Variants in CCDC7 observed in about 807,000 individuals in gnomAD.
CCDC7 encodes coiled-coil domain-containing protein 7.
In CCDC7, 183 loss-of-function variants were observed where a neutral mutation model predicts 196.9. The observed-to-expected ratio is 0.93, with a 90% confidence interval of 0.82 to 1.05. CCDC7 has a LOEUF of 1.05. CCDC7 is among the 50% of genes least tolerant of loss of function. The pLI is 0.00. For missense variants in CCDC7, 1,540 were observed against 1,482.2 expected (o/e 1.04, Z -0.64); for synonymous variants, 525 against 484.6 (o/e 1.08, Z -1.10).
intron 8 of CCDC7, among the ~76,000 whole-genome samples, chr10:32,483,346 GT>G: frequency 6.6e-6 from 1 of 152,084 alleles, no homozygotes; most frequent in African/African-American, 2.4e-5. Context: ...TGATGGGGTT[GT>G]TTTTTTCTTC....
intron 21 of CCDC7, among the ~76,000 whole-genome samples, chr10:32,680,504 A>G (rs2075708600): frequency 6.6e-6 from 1 of 152,032 alleles, no homozygotes; most frequent in African/African-American, 2.4e-5. Context: ...ATAGCTGTAC[A>G]TGTGCCATGT....
intron 25 of CCDC7, among the ~76,000 whole-genome samples, chr10:32,722,961 A>T (rs1476272009): frequency 6.6e-6 from 1 of 152,076 alleles, no homozygotes; most frequent in Admixed American, 6.6e-5. Flanking sequence ...AGTCTTGTTT[A>T]GTTTTGAAAG....
intron 5 of CCDC7, 53 bp downstream of exon 6, chr10:32,463,102 A>G: frequency 1.2e-6 from 2 of 1,600,416 alleles, no homozygotes; most frequent in Non-Finnish European, 1.7e-6. Flanking sequence ...CTCATTTGAA[A>G]AGCAATTTGG....
In CCDC7 at chr10:32,634,491, G is replaced by T. The variant is rs577524479; in HGVS notation, c.1912+127G>T. ...GGCTCACTGCAACCTCCATCTTCCG[G>T]GTTGAAGCGATTCTCCTGCCCCAGA... On this transcript the variant is annotated intron_variant, in intron 19 of 41. Transcript: ENST00000639629. The T allele has an allele frequency of 1.1e-3, 372 of 336,628 alleles. 4 individuals are homozygous for T. Among genetic ancestry groups the T allele is most frequent in the Non-Finnish European group, 1.8e-3 (338 of 192,724 alleles). 20.9% of individuals were successfully genotyped at this position (336,628 alleles called of 1,614,324 possible).
chr10:32,852,114 C>A (rs752136704), intron 40 of CCDC7, among the ~76,000 whole-genome samples, 182 bp downstream of exon 41: 49 of 152,204 alleles, frequency 3.2e-4, no homozygotes, highest in Non-Finnish European at 5.3e-4. Context: ...TTGTCCCTGG[C>A]ATTTCTCTTC....
chr10:32,761,961 G>C (rs1565430458), intron 28 of CCDC7, among the ~76,000 whole-genome samples: 1 of 152,004 alleles, frequency 6.6e-6, no homozygotes, highest in East Asian at 1.9e-4. Flanking sequence ...ATTTCCACAT[G>C]GATCAATTCT....
intron 26 of CCDC7, among the ~76,000 whole-genome samples, chr10:32,727,164 G>A (rs559869822): frequency 3.4e-4 from 51 of 152,196 alleles, no homozygotes; most frequent in Non-Finnish European, 5.1e-4. Flanking sequence ...CACTTACCAC[G>A]TGTAGCGATG....
chr10:32,859,140 T>C (rs1031354638), intron 41 of CCDC7, among the ~76,000 whole-genome samples: 3 of 152,088 alleles, frequency 2.0e-5, no homozygotes, highest in Non-Finnish European at 4.4e-5. Context: ...ACAATGCACT[T>C]ATTCTAAAAC....
Position 32,848,585 on chromosome 10 carries a change from T to A in CCDC7, c.3773-11T>A, listed in dbSNP as rs748984251. On this transcript the variant is annotated splice_polypyrimidine_tract_variant and intron_variant, in intron 38 of 41. Transcript: ENST00000639629. ...TATTCATGCACTTTTTCTTTTAAAA[T>A]TTTATTTTAGATGTGAACTTATTTA... 2.8e-6 allele frequency: 4 copies of A among 1,450,204 alleles called. No individual in the cohort carries two copies. The East Asian group carries it at 9.1e-5, about 33-fold the overall frequency. The allele number at this position is 1,450,204 out of a possible 1,614,324, so 89.8% of individuals were successfully genotyped here. A position where few individuals can be genotyped will look rare whatever the true frequency, so the allele number is the denominator to read the frequency against.
intron 8 of CCDC7, among the ~76,000 whole-genome samples, chr10:32,481,371 C>G (rs2039933812): frequency 1.3e-5 from 2 of 151,968 alleles, no homozygotes; most frequent in African/African-American, 4.8e-5. Flanking sequence ...TTTTGTAGAT[C>G]CTTTGTTCTT....
At chr10:32,737,996 A>G (rs912880202) in intron 28 of CCDC7, among the ~76,000 whole-genome samples, 4 of 152,186 alleles carry the variant, frequency 2.6e-5, no homozygotes, top group Non-Finnish European at 5.9e-5. Flanking sequence ...TTGAATTGAT[A>G]TATTTAGACC....
intron 16 of CCDC7, among the ~76,000 whole-genome samples, chr10:32,576,275 A>G (rs1366325950): frequency 6.7e-6 from 1 of 148,758 alleles, no homozygotes; most frequent in Non-Finnish European, 1.5e-5. Flanking sequence ...GTGTGTTCCC[A>G]TGCACTGAGG....
At chr10:32,863,762 G>A (rs2094099333) in intron 41 of CCDC7, among the ~76,000 whole-genome samples, 1 of 151,880 alleles carries the variant, frequency 6.6e-6, no homozygotes, top group African/African-American at 2.4e-5. Flanking sequence ...AAATGGATAG[G>A]AGACCTACAT....
chr10:32,574,605 T>A, intron 16 of CCDC7: 1 of 656,084 alleles, frequency 1.5e-6, no homozygotes, highest in Non-Finnish European at 2.1e-6. Context: ...GAGTTAGTGG[T>A]AAATAGTTAA....
At chr10:32,756,931 G>A (rs1030774884) in intron 28 of CCDC7, among the ~76,000 whole-genome samples, 23 of 151,964 alleles carry the variant, frequency 1.5e-4, no homozygotes, top group Non-Finnish European at 2.8e-4. Flanking sequence ...GGAAAACAAA[G>A]AAAAAGCAGG....
chr10:32,681,125 T>G (rs1462708759), intron 21 of CCDC7, among the ~76,000 whole-genome samples: 1 of 152,208 alleles, frequency 6.6e-6, no homozygotes, highest in Admixed American at 6.5e-5. Flanking sequence ...TTTCCAGGAA[T>G]TAGTCCTCAG....
At chr10:32,515,789 C>T (rs1210112988) in intron 9 of CCDC7, among the ~76,000 whole-genome samples, 2 of 151,962 alleles carry the variant, frequency 1.3e-5, no homozygotes, top group Admixed American at 6.5e-5. Context: ...ATCCGCCCAC[C>T]TCGCCTCCCA....
chr10:32,701,330 C>T lies in CCDC7; in HGVS notation c.2458+6338C>T, dbSNP rs58278922. On this transcript the variant is annotated intron_variant, in intron 24 of 41. Coordinates refer to ENST00000639629, the Ensembl canonical transcript of CCDC7. ...TGAGATAATCATGTGGTTTGATTTG[C>T]GTATGTTGAACCAGCCTTGCATCCC... Among the ~76,000 whole-genome samples the T allele has an allele frequency of 1.5e-3, 223 of 148,462 alleles. 1 individual carries two copies. The highest frequency in any genetic ancestry group is 5.2e-3 in the African/African-American group (213 of 40,982).
intron 18 of CCDC7, among the ~76,000 whole-genome samples, chr10:32,627,916 A>G (rs765815595): frequency 6.6e-6 from 1 of 151,916 alleles, no homozygotes; most frequent in Non-Finnish European, 1.5e-5. Flanking sequence ...TTGGTTTGAT[A>G]GTATTTTGTT....
Sources: allele counts gnomAD v4.1 joint callset (sites outside exome capture counted in the v4.1 genomes callset), GRCh38; gene constraint gnomAD v4.1.1; transcripts MANE v1.5; gene names NCBI Gene and HGNC (gene_info 2026-07-23, HGNC 2026-07-21).